PRKN: variants seen among roughly 807,000 people sequenced by gnomAD.
The protein encoded by PRKN is E3 ubiquitin-protein ligase parkin.
PRKN carries 56 observed loss-of-function variants against 59.5 expected under a neutral mutation model. That is an observed-to-expected ratio of 0.94 (90% CI 0.76 to 1.18). The LOEUF is 1.18. Ranked by LOEUF, PRKN falls within the 50% of genes most tolerant of loss-of-function variation. PRKN has a pLI of 0.00. For synonymous variants in PRKN, 250 were observed against 222.1 expected (o/e 1.13, Z -1.12); for missense variants, 657 against 596.4 (o/e 1.10, Z -1.06).
intron 7 of PRKN, among the ~76,000 whole-genome samples, chr6:161,580,864 T>C (rs1465904087): frequency 6.6e-6 from 1 of 152,014 alleles, no homozygotes; most frequent in Non-Finnish European, 1.5e-5. Context: ...AGCTGAAGAT[T>C]ATCCTAGGAA....
chr6:161,459,669 G>A lies in PRKN; in HGVS notation c.1084-72792C>T, dbSNP rs760366718. Reference sequence around the variant, plus strand: ...AAGCTATTTTCCCGTTTTTCTCATCGCTGTTTAGAGGTTTCCACTTATATG... The same window carrying A: ...AAGCTATTTTCCCGTTTTTCTCATCACTGTTTAGAGGTTTCCACTTATATG... On this transcript the variant is annotated intron_variant, in intron 9 of 11. Coordinates refer to ENST00000366898, the MANE Select transcript of PRKN (RefSeq NM_004562.3). This position sits in a 1 kb window ranked among gnomAD's most constrained non-coding sequence, Gnocchi z 4.8. Among the ~76,000 whole-genome samples, 6 of 152,110 alleles carry A rather than the reference G, an allele frequency of 3.9e-5. No homozygotes were observed. The highest frequency in any genetic ancestry group is 7.4e-5 in the Non-Finnish European group (5 of 68,026).
In PRKN at chr6:162,114,053, T is replaced by C. The variant is rs557053923; in HGVS notation, c.535-59879A>G. ...TATGTGGCATTATTTCTGAGGGCTC[T>C]GTTCTGTTCCATTGATCTATATCTC... On this transcript the variant is annotated intron_variant, in intron 4 of 11. Transcript: ENST00000366898. 1.5e-4 allele frequency among the ~76,000 whole-genome samples: 22 copies of C among 150,056 alleles called. No individual in the cohort carries two copies. In the East Asian group the frequency reaches 4.1e-3, roughly 28 times the overall value.
At chr6:162,564,739 T>C (rs1026889464) in intron 1 of PRKN, among the ~76,000 whole-genome samples, 1 of 152,138 alleles carries the variant, frequency 6.6e-6, no homozygotes, top group African/African-American at 2.4e-5. Context: ...TATCTTATAA[T>C]AGTGTATCTG....
chr6:161,812,502 T>C (rs963025759), intron 6 of PRKN, among the ~76,000 whole-genome samples: 4 of 152,090 alleles, frequency 2.6e-5, no homozygotes, highest in African/African-American at 4.8e-5. Context: ...GTTGAGAGTA[T>C]ACATAAAAAA....
At chr6:162,354,396 C>T (rs1410743277) in intron 2 of PRKN, among the ~76,000 whole-genome samples, 2 of 152,046 alleles carry the variant, frequency 1.3e-5, no homozygotes, top group Non-Finnish European at 1.5e-5. Flanking sequence ...ATATTAAAAT[C>T]ATTTGTACTT....
chr6:161,828,707 T>A (rs1027728368), intron 6 of PRKN, among the ~76,000 whole-genome samples: 1 of 152,030 alleles, frequency 6.6e-6, no homozygotes, highest in Non-Finnish European at 1.5e-5. Flanking sequence ...TCACCTGAGG[T>A]CAGGAGTTCG....
chr6:162,242,440 T>C (rs549065977), intron 3 of PRKN, among the ~76,000 whole-genome samples: 37 of 152,160 alleles, frequency 2.4e-4, no homozygotes, highest in Non-Finnish European at 4.4e-4. Flanking sequence ...ACATATGCTA[T>C]TGAAGTAATG....
chr6:162,694,332 A>C (rs918200523), intron 1 of PRKN, among the ~76,000 whole-genome samples: 3 of 150,336 alleles, frequency 2.0e-5, no homozygotes, highest in Non-Finnish European at 4.4e-5. Flanking sequence ...TGCTTCTCTC[A>C]TTCTACATGG....
At chr6:161,930,762 A>C (rs1779143869) in intron 6 of PRKN, among the ~76,000 whole-genome samples, 1 of 152,232 alleles carries the variant, frequency 6.6e-6, no homozygotes, top group Non-Finnish European at 1.5e-5. Context: ...TGAATCACTT[A>C]GGTAGTAGCA....
At chr6:162,573,583 G>T (rs1022654686) in intron 1 of PRKN, among the ~76,000 whole-genome samples, 3 of 151,954 alleles carry the variant, frequency 2.0e-5, no homozygotes, top group Non-Finnish European at 4.4e-5. Flanking sequence ...GAATTAAATG[G>T]GTCATATATG....
chr6:161,755,248 ACT>A (rs1225924577), intron 7 of PRKN, among the ~76,000 whole-genome samples: 1 of 151,698 alleles, frequency 6.6e-6, no homozygotes, highest in Non-Finnish European at 1.5e-5. Flanking sequence ...TATCATCCAT[ACT>A]CTCTGCAATG....
chr6:162,036,847 T>C (rs553030875), intron 5 of PRKN, among the ~76,000 whole-genome samples: 133 of 152,274 alleles, frequency 8.7e-4, no homozygotes, highest in African/African-American at 3.2e-3. Flanking sequence ...TGTAAGAAAC[T>C]TTTATCTATA....
intron 2 of PRKN, among the ~76,000 whole-genome samples, chr6:162,410,806 G>A (rs757944007): frequency 4.6e-5 from 7 of 152,140 alleles, no homozygotes; most frequent in Non-Finnish European, 5.9e-5. Flanking sequence ...GCTGAAAAGC[G>A]TTCAGATTCA....
intron 4 of PRKN, among the ~76,000 whole-genome samples, chr6:162,149,267 C>G (rs1782159100): frequency 6.6e-6 from 1 of 151,810 alleles, no homozygotes; most frequent in Non-Finnish European, 1.5e-5. Context: ...TTTTTTAAGA[C>G]AGGGTCTCAC....
At chr6:162,350,740 C>G (rs1784588579) in intron 2 of PRKN, among the ~76,000 whole-genome samples, 1 of 152,010 alleles carries the variant, frequency 6.6e-6, no homozygotes, top group Non-Finnish European at 1.5e-5. Flanking sequence ...CAAAATAATT[C>G]CTTTATGACC....
chr6:162,525,664 T>C (rs1481808282), intron 1 of PRKN, among the ~76,000 whole-genome samples: 3 of 152,168 alleles, frequency 2.0e-5, no homozygotes, highest in African/African-American at 7.2e-5. Flanking sequence ...GTCAGAGATT[T>C]TGGCCAATTT....
chr6:162,424,604 TG>T (rs1198125813), intron 2 of PRKN, among the ~76,000 whole-genome samples: 1 of 151,762 alleles, frequency 6.6e-6, no homozygotes, highest in Non-Finnish European at 1.5e-5. Context: ...GGTGTGGTCA[TG>T]GGGGCCTGTA....
At chr6:162,257,897 C>T (rs187528107) in intron 3 of PRKN, among the ~76,000 whole-genome samples, 39 of 152,210 alleles carry the variant, frequency 2.6e-4, no homozygotes, top group Admixed American at 6.5e-5. Flanking sequence ...CAAATTTTCT[C>T]AACAGGGTCA....
At chr6:161,380,548 A>T (rs1047160429) in intron 10 of PRKN, among the ~76,000 whole-genome samples, 1 of 148,328 alleles carries the variant, frequency 6.7e-6, no homozygotes. Context: ...CACCAAGTCT[A>T]TCTTTAATGT....
Sources: allele counts gnomAD v4.1 joint callset (sites outside exome capture counted in the v4.1 genomes callset), GRCh38; gene constraint gnomAD v4.1.1; non-coding constraint Gnocchi (gnomAD v3.1); transcripts MANE v1.5; gene names NCBI Gene and HGNC (gene_info 2026-07-23, HGNC 2026-07-21).